The following MBOAT2 variants were observed in gnomAD, a reference collection of about 807,000 sequenced individuals.
The protein encoded by MBOAT2 is membrane bound glycerophospholipid O-acyltransferase 2.
A neutral mutation model predicts 63.4 loss-of-function variants in MBOAT2; 28 were observed. The observed-to-expected ratio is 0.44, with a 90% CI of 0.33 to 0.61. The LOEUF (loss-of-function observed/expected upper bound fraction) is 0.61. Among genes scored for constraint, MBOAT2 ranks in the 20% least tolerant of loss-of-function variants. The pLI, the probability that MBOAT2 is intolerant of heterozygous loss-of-function variation, is 0.03. For synonymous variants in MBOAT2, 211 were observed against 215.6 expected, an observed-to-expected ratio of 0.98 and a Z score of 0.19; for missense variants, 470 against 605.8, an observed-to-expected ratio of 0.78 and a Z score of 2.35.
chr2:8,912,369 GAAAGAGAAAGAA>G (rs777152579), intron 3 of MBOAT2, among the ~76,000 whole-genome samples: 65 of 96,092 alleles, frequency 6.8e-4, no homozygotes, highest in African/African-American at 1.2e-3. Flanking sequence ...AAGAAAGAAA[GAAAGAGAAAGAA>G]AGAAAGAAAG....
At chr2:8,901,906 C>CT (rs1553359162) in intron 4 of MBOAT2, among the ~76,000 whole-genome samples, 3 of 152,000 alleles carry the variant, frequency 2.0e-5, no homozygotes, top group Non-Finnish European at 4.4e-5. Flanking sequence ...GGAAGTTTGT[C>CT]TGACAGGCAT....
intron 4 of MBOAT2, among the ~76,000 whole-genome samples, chr2:8,897,515 A>G (rs930011598): frequency 6.6e-6 from 1 of 152,252 alleles, no homozygotes; most frequent in African/African-American, 2.4e-5. Flanking sequence ...CATACTTGCT[A>G]TCTGTATACA....
intron 4 of MBOAT2, among the ~76,000 whole-genome samples, chr2:8,895,960 G>A (rs1003915621): frequency 2.0e-5 from 3 of 152,124 alleles, no homozygotes; most frequent in Non-Finnish European, 4.4e-5. Flanking sequence ...AAAGGGAGCC[G>A]GGCACGGTGG....
chr2:8,961,692 G>A (rs554855499), intron 1 of MBOAT2, among the ~76,000 whole-genome samples: 1 of 152,266 alleles, frequency 6.6e-6, no homozygotes, highest in African/African-American at 2.4e-5. Context: ...TAAAAACCAA[G>A]TTACACTCCT....
chr2:8,858,993 C>G, intron 12 of MBOAT2, 89 bp from the exon 13 acceptor site: 1 of 927,770 alleles, frequency 1.1e-6, no homozygotes, highest in Non-Finnish European at 1.6e-6. Context: ...CATGGCCCAC[C>G]TTAGGATGTA....
rs189868835 is a variant in MBOAT2, at chr2:8,872,292, A to G, written c.883+816T>C. Among the ~76,000 whole-genome samples the G allele has an allele frequency of 2.0e-5, 3 of 151,986 alleles. No individual in the cohort carries two copies. The East Asian group carries it at 5.8e-4, about 29-fold the overall frequency. ...GAGACTACCTAGGGGTTATTGCTCA[A>G]CTCATATTAAAACCTCACTCTGTCG... On this transcript the variant is annotated intron_variant, in intron 8 of 12. Transcript: ENST00000305997.
intron 1 of MBOAT2, among the ~76,000 whole-genome samples, chr2:8,988,173 C>T (rs1277592359): frequency 1.3e-5 from 2 of 152,186 alleles, no homozygotes; most frequent in African/African-American, 4.8e-5. Context: ...AAGCCCAAAT[C>T]CCCACTATTT....
chr2:8,943,258 G>A lies in MBOAT2; in HGVS notation c.228C>T (p.Ala76=). ...TTCCACTTTGTACAAGAAAGTGTAA[G>A]GCATACCTATAAAAAGTAAGAGCAC... The part of the protein sequence containing the change: ...YLALFCFGWY[A]LHFLVQSGIS... Residue 76 remains alanine (A), a synonymous_variant, in exon 3 of 13, where the codon GCC becomes GCT. Coordinates refer to ENST00000305997, the MANE Select transcript of MBOAT2 (RefSeq NM_138799.4). The A allele has an allele frequency of 6.4e-7, 1 of 1,561,668 alleles. No individual in the cohort carries two copies. Among genetic ancestry groups the A allele is most frequent in the Non-Finnish European group, 8.7e-7 (1 of 1,147,732 alleles).
chr2:8,873,620 T>C (rs1314811026), intron 7 of MBOAT2, among the ~76,000 whole-genome samples: 1 of 152,104 alleles, frequency 6.6e-6, no homozygotes, highest in Non-Finnish European at 1.5e-5. Flanking sequence ...GAAGTGAATA[T>C]AAAAAATTAA....
intron 1 of MBOAT2, among the ~76,000 whole-genome samples, chr2:8,989,611 C>G (rs909052951): frequency 9.2e-5 from 14 of 152,192 alleles, no homozygotes; most frequent in African/African-American, 3.4e-4. Context: ...AAATATGCAG[C>G]TGTTCATAAG....
chr2:8,935,452 G>A (rs930377188), intron 3 of MBOAT2, among the ~76,000 whole-genome samples: 5 of 152,204 alleles, frequency 3.3e-5, no homozygotes, highest in African/African-American at 4.8e-5. Context: ...ACTCTGGGGA[G>A]AAGAAAATGA....
At chr2:8,947,630 G>A (rs1228999828) in intron 2 of MBOAT2, among the ~76,000 whole-genome samples, 2 of 152,118 alleles carry the variant, frequency 1.3e-5, no homozygotes, top group South Asian at 2.1e-4. Flanking sequence ...ACGCTAAATC[G>A]ATTCTGCCTG....
At chr2:8,942,038 T>C (rs77061889) in intron 3 of MBOAT2, among the ~76,000 whole-genome samples, 297 of 152,300 alleles carry the variant, frequency 2.0e-3, no homozygotes, top group African/African-American at 6.7e-3. Context: ...CATAATCCTA[T>C]AAAAATTGCT....
At chr2:8,976,394 T>A (rs189696282) in intron 1 of MBOAT2, among the ~76,000 whole-genome samples, 3 of 152,216 alleles carry the variant, frequency 2.0e-5, no homozygotes, top group Admixed American at 1.3e-4. Flanking sequence ...ATTAACTGCA[T>A]CCACAACTGC....
At chr2:8,863,521 C>T (rs1661639606) in intron 10 of MBOAT2, among the ~76,000 whole-genome samples, 1 of 152,118 alleles carries the variant, frequency 6.6e-6, no homozygotes, top group South Asian at 2.1e-4. Flanking sequence ...CTACCTTGCC[C>T]TGTTCACGAG....
intron 1 of MBOAT2, among the ~76,000 whole-genome samples, chr2:8,961,863 C>T (rs193055707): frequency 1.1e-4 from 16 of 152,236 alleles, no homozygotes; most frequent in African/African-American, 3.9e-4. Flanking sequence ...CATGCTGGGA[C>T]CTCCTTAGAA....
intron 4 of MBOAT2, among the ~76,000 whole-genome samples, chr2:8,892,166 A>C (rs1664051932): frequency 6.6e-6 from 1 of 152,136 alleles, no homozygotes; most frequent in Non-Finnish European, 1.5e-5. Context: ...TGATTGTTCC[A>C]TTATCTCTGG....
chr2:8,884,419 T>C (rs1001806957), intron 5 of MBOAT2, among the ~76,000 whole-genome samples: 2 of 150,378 alleles, frequency 1.3e-5, no homozygotes, highest in Admixed American at 6.7e-5. Context: ...CAAAAAAGGG[T>C]AATTCCTACT....
At chr2:8,952,128 T>C (rs1047627320) in intron 2 of MBOAT2, among the ~76,000 whole-genome samples, 2 of 152,236 alleles carry the variant, frequency 1.3e-5, no homozygotes, top group African/African-American at 4.8e-5. Context: ...GTCTCTGTTT[T>C]CATTTATTTC....
Sources: allele counts gnomAD v4.1 joint callset (sites outside exome capture counted in the v4.1 genomes callset), GRCh38; gene constraint gnomAD v4.1.1; transcripts MANE v1.5; gene names NCBI Gene and HGNC (gene_info 2026-07-23, HGNC 2026-07-21).